MGAT4A: variants seen among roughly 807,000 people sequenced by gnomAD.
MGAT4A encodes the protein alpha-1,3-mannosyl-glycoprotein 4-beta-N-acetylglucosaminyltransferase A, also known as N-acetylglucosaminyltransferase IVa.
Under a neutral mutation model 74.1 loss-of-function variants are expected in MGAT4A, and 33 were observed. The ratio of observed to expected loss-of-function variants is 0.45; its 90% CI spans 0.34 to 0.60. The LOEUF (loss-of-function observed/expected upper bound fraction) is 0.60. Among genes scored for constraint, MGAT4A ranks in the 20% least tolerant of loss-of-function variants. The probability of loss-of-function intolerance (pLI) is 0.02; values close to 1 mark genes in which losing one functional copy is unlikely to be tolerated. For missense variants in MGAT4A, 479 were observed against 628.3 expected (o/e 0.76, Z 2.54); for synonymous variants, 198 against 210.4 (o/e 0.94, Z 0.51).
At chr2:98,656,726 A>G (rs1701667080) in intron 6 of MGAT4A, among the ~76,000 whole-genome samples, 1 of 152,110 alleles carries the variant, frequency 6.6e-6, no homozygotes, top group South Asian at 2.1e-4. Flanking sequence ...TAGCATAGAA[A>G]TCCTAAGCCA....
At chr2:98,686,976 T>G (rs529617686) in intron 2 of MGAT4A, among the ~76,000 whole-genome samples, 2 of 152,328 alleles carry the variant, frequency 1.3e-5, no homozygotes, top group East Asian at 1.9e-4. Context: ...TATATGTTTA[T>G]AACAGCTCTT....
intron 5 of MGAT4A, among the ~76,000 whole-genome samples, chr2:98,659,110 A>C (rs1275232855): frequency 6.6e-6 from 1 of 152,194 alleles, no homozygotes; most frequent in Non-Finnish European, 1.5e-5. Flanking sequence ...GGTGACGTTC[A>C]ACAGTAAGAA....
intron 2 of MGAT4A, among the ~76,000 whole-genome samples, chr2:98,693,187 A>G (rs1018255130): frequency 1.3e-5 from 2 of 152,202 alleles, no homozygotes; most frequent in African/African-American, 4.8e-5. Flanking sequence ...AGAACTGTCA[A>G]TCTCAAATAC....
chr2:98,686,614 T>G (rs1400274066), intron 2 of MGAT4A, among the ~76,000 whole-genome samples: 1 of 151,836 alleles, frequency 6.6e-6, no homozygotes, highest in African/African-American at 2.4e-5. Context: ...TGGCATGATC[T>G]CAGCCCACTG....
chr2:98,682,424 A>G (rs1410677357), intron 2 of MGAT4A, among the ~76,000 whole-genome samples: 2 of 136,326 alleles, frequency 1.5e-5, no homozygotes, highest in Non-Finnish European at 3.1e-5. Context: ...TTCCATCTCA[A>G]AAAAAAAAAA....
intron 14 of MGAT4A, among the ~76,000 whole-genome samples, chr2:98,630,388 A>T (rs964651694): frequency 2.0e-5 from 3 of 152,348 alleles, no homozygotes; most frequent in East Asian, 3.9e-4. Flanking sequence ...CCCACTGTGC[A>T]TTGCTTAGGA....
chr2:98,691,418 C>T (rs1327943634), intron 2 of MGAT4A, among the ~76,000 whole-genome samples: 1 of 151,086 alleles, frequency 6.6e-6, no homozygotes, highest in African/African-American at 2.4e-5. Context: ...CCAGCCTGGG[C>T]ATCAGAGCAA....
chr2:98,639,952 G>C lies in MGAT4A; in HGVS notation c.1178C>G (p.Pro393Arg). ...PLLLKIHVNP[P>R]AEVSTSLKVY... ...CTTCAAGGAAGTAGATACCTCCGCA[G>C]GTGGGTTTACATGGATTTTAAGAAG... The change falls in exon 12 of 16, where the codon CCT becomes CGT. Residue 393 changes from proline to arginine, a missense_variant. Around this residue, in one of 3 missense-constraint regions of MGAT4A, gnomAD observed 236 missense variants for 308.2 expected, o/e 0.77. Transcript: ENST00000393487. 3 of 1,614,014 alleles carry C rather than the reference G, an allele frequency of 1.9e-6. No homozygotes were observed. The highest frequency in any genetic ancestry group is 2.5e-6 in the Non-Finnish European group (3 of 1,179,960).
intron 2 of MGAT4A, among the ~76,000 whole-genome samples, chr2:98,692,522 C>T (rs1702209052): frequency 6.6e-6 from 1 of 152,176 alleles, no homozygotes; most frequent in Non-Finnish European, 1.5e-5. Flanking sequence ...TAGACCTTCA[C>T]ATTCACTCCC....
At chr2:98,698,628 C>G (rs529769066) in intron 2 of MGAT4A, among the ~76,000 whole-genome samples, 1 of 152,030 alleles carries the variant, frequency 6.6e-6, no homozygotes, top group Non-Finnish European at 1.5e-5. Flanking sequence ...AAATGGAAAC[C>G]CTTCAATGAC....
At chr2:98,659,385 T>G (rs1701710753) in intron 5 of MGAT4A, among the ~76,000 whole-genome samples, 1 of 152,082 alleles carries the variant, frequency 6.6e-6, no homozygotes, top group Non-Finnish European at 1.5e-5. Context: ...TCCAGATCCT[T>G]GCCCCTTCAA....
intron 2 of MGAT4A, among the ~76,000 whole-genome samples, chr2:98,707,616 G>A (rs1702457718): frequency 1.3e-5 from 2 of 152,166 alleles, no homozygotes; most frequent in Admixed American, 1.3e-4. Context: ...AATCATACCA[G>A]TCTCATGAGA....
At chr2:98,681,455 A>G (rs1419577679) in intron 2 of MGAT4A, among the ~76,000 whole-genome samples, 2 of 152,202 alleles carry the variant, frequency 1.3e-5, no homozygotes, top group Non-Finnish European at 2.9e-5. Context: ...TGTTATATAT[A>G]TGAAACCATG....
At chr2:98,633,818 G>T (rs1701278612) in intron 14 of MGAT4A, among the ~76,000 whole-genome samples, 1 of 152,254 alleles carries the variant, frequency 6.6e-6, no homozygotes, top group East Asian at 1.9e-4. Flanking sequence ...TAAGTGACAG[G>T]TAATGGGGTA....
intron 8 of MGAT4A, among the ~76,000 whole-genome samples, chr2:98,654,015 C>T (rs1046702708): frequency 3.3e-5 from 5 of 152,000 alleles, no homozygotes; most frequent in African/African-American, 1.2e-4. Flanking sequence ...ACACAAAAAT[C>T]AATCAGTGTA....
intron 7 of MGAT4A, 121 bp downstream of exon 7, chr2:98,656,231 C>G: frequency 1.3e-6 from 1 of 764,242 alleles, no homozygotes; most frequent in East Asian, 2.5e-5. Context: ...CTTAATGAGA[C>G]TTACCTAGAA....
intron 2 of MGAT4A, among the ~76,000 whole-genome samples, chr2:98,705,119 T>C (rs1174844160): frequency 6.6e-6 from 1 of 152,210 alleles, no homozygotes; most frequent in East Asian, 1.9e-4. Context: ...CTTCTAGATC[T>C]TAATCAGCAC....
chr2:98,726,641 A>T (rs1252734264), intron 1 of MGAT4A, 74 bp from the exon 2 acceptor site: 1 of 334,156 alleles, frequency 3.0e-6, no homozygotes, highest in African/African-American at 2.1e-5. Context: ...ACTATTCATC[A>T]TTATAAACAG....
intron 1 of MGAT4A, among the ~76,000 whole-genome samples, chr2:98,730,749 G>A (rs1559179542): frequency 6.7e-6 from 1 of 149,676 alleles, no homozygotes; most frequent in Non-Finnish European, 1.5e-5. Context: ...GACCCCGAGG[G>A]GTGCGCGGTG....
Sources: allele counts gnomAD v4.1 joint callset (sites outside exome capture counted in the v4.1 genomes callset), GRCh38; gene constraint gnomAD v4.1.1; regional missense constraint gnomAD v4.1.1; transcripts MANE v1.5; gene names NCBI Gene and HGNC (gene_info 2026-07-23, HGNC 2026-07-21).